Variants in RPH3A observed in about 807,000 individuals in gnomAD.
RPH3A encodes rabphilin-3A.
RPH3A carries 48 observed loss-of-function variants against 102.2 expected under a neutral mutation model. The observed-to-expected ratio is 0.47, with a 90% CI of 0.37 to 0.60. RPH3A has a LOEUF of 0.60. Ranked by LOEUF, RPH3A falls within the 20% of genes least tolerant of loss-of-function variation. The pLI, the probability that RPH3A is intolerant of heterozygous loss-of-function variation, is 0.00. For synonymous variants in RPH3A, 310 were observed against 324.3 expected (o/e 0.96, Z 0.47); for missense variants, 781 against 910.1 (o/e 0.86, Z 1.83).
At chr12:112,819,845 G>A (rs952790773) in intron 2 of RPH3A, among the ~76,000 whole-genome samples, 2 of 152,354 alleles carry the variant, frequency 1.3e-5, no homozygotes, top group East Asian at 3.9e-4. Flanking sequence ...AATGGTGATT[G>A]CAGGGTTGCT....
intron 5 of RPH3A, among the ~76,000 whole-genome samples, chr12:112,863,392 A>C (rs1371746775): frequency 6.6e-6 from 1 of 152,164 alleles, no homozygotes; most frequent in East Asian, 1.9e-4. Flanking sequence ...ATCTCAACTC[A>C]CTGCAACCTC....
Position 112,585,265 on chromosome 12 carries a change from A to T in RPH3A, c.-140+9946A>T, listed in dbSNP as rs73431605. 7.6e-3 allele frequency among the ~76,000 whole-genome samples: 1,152 copies of T among 152,238 alleles called. 9 individuals are homozygous for T. Among genetic ancestry groups the T allele is most frequent in the African/African-American group, 0.026 (1,075 of 41,542 alleles). On this transcript the variant is annotated intron_variant, in intron 1 of 21. Coordinates refer to the RPH3A transcript ENST00000543106. Reference sequence around the variant, plus strand: ...CTCCTAGTTCAGTGACACAAATGTTATATCCATTGGCAACACCCTCACAGA... The same window carrying T: ...CTCCTAGTTCAGTGACACAAATGTTTTATCCATTGGCAACACCCTCACAGA...
chr12:112,876,893 C>T (rs1296499816), intron 13 of RPH3A, 27 bp downstream of exon 13: 2 of 1,534,152 alleles, frequency 1.3e-6, no homozygotes, highest in Admixed American at 3.9e-5. Flanking sequence ...GGAGAGGTAT[C>T]TTGGAAAAAT....
Position 112,674,875 on chromosome 12 carries a change from T to C in RPH3A, c.-140+99556T>C, listed in dbSNP as rs232929. Among the ~76,000 whole-genome samples the C allele has an allele frequency of 2.0e-5, 3 of 152,074 alleles. No homozygotes were observed. The South Asian group carries it at 6.2e-4, about 32-fold the overall frequency. On this transcript the variant is annotated intron_variant, in intron 1 of 21. Coordinates refer to the RPH3A transcript ENST00000543106. Reference sequence around the variant, plus strand: ...TTGGGGGAAAAAAATCCACATTCTCTCTCAGGGGCTTTACTCCCTTGGTTT... The same window carrying C: ...TTGGGGGAAAAAAATCCACATTCTCCCTCAGGGGCTTTACTCCCTTGGTTT...
chr12:112,797,691 A>G (rs970410356), intron 2 of RPH3A, among the ~76,000 whole-genome samples: 1 of 150,840 alleles, frequency 6.6e-6, no homozygotes. Context: ...TGAATGAAAA[A>G]AAAAATTTTT....
chr12:112,841,896 C>T (rs2042153999), intron 4 of RPH3A: 1 of 455,524 alleles, frequency 2.2e-6, no homozygotes, highest in Non-Finnish European at 4.4e-6. Context: ...CTCTCCTTCT[C>T]TCTCTCTCTG....
chr12:112,823,949 G>C (rs1011231825), intron 2 of RPH3A, among the ~76,000 whole-genome samples: 2 of 152,206 alleles, frequency 1.3e-5, no homozygotes, highest in Non-Finnish European at 2.9e-5. Flanking sequence ...ACAGCTAAGT[G>C]ACCACTAGGG....
intron 1 of RPH3A, among the ~76,000 whole-genome samples, chr12:112,749,592 T>C (rs1222223659): frequency 6.6e-6 from 1 of 152,228 alleles, no homozygotes; most frequent in Non-Finnish European, 1.5e-5. Flanking sequence ...TGACACATCT[T>C]TTCCTGATAG....
At chr12:112,666,913 A>G (rs2040086795) in intron 1 of RPH3A, among the ~76,000 whole-genome samples, 1 of 152,162 alleles carries the variant, frequency 6.6e-6, no homozygotes, top group African/African-American at 2.4e-5. Context: ...GCTTTAATTC[A>G]TTCTCCATCA....
chr12:112,691,119 G>C (rs1435752609), intron 1 of RPH3A, among the ~76,000 whole-genome samples: 1 of 152,084 alleles, frequency 6.6e-6, no homozygotes, highest in East Asian at 1.9e-4. Context: ...CCGCCTCCCG[G>C]GTTCAGCCAC....
At chr12:112,828,977 T>C (rs558952238) in intron 3 of RPH3A, among the ~76,000 whole-genome samples, 1 of 152,224 alleles carries the variant, frequency 6.6e-6, no homozygotes, top group Non-Finnish European at 1.5e-5. Context: ...CTCATATATT[T>C]AGACTGGCAA....
intron 1 of RPH3A, among the ~76,000 whole-genome samples, chr12:112,711,014 A>C (rs554890026): frequency 6.6e-6 from 1 of 152,102 alleles, no homozygotes; most frequent in African/African-American, 2.4e-5. Flanking sequence ...AGTTCAGAAG[A>C]ACTCCAAGCA....
At chr12:112,829,232 G>A (rs987744718) in intron 3 of RPH3A, among the ~76,000 whole-genome samples, 5 of 152,130 alleles carry the variant, frequency 3.3e-5, no homozygotes, top group African/African-American at 1.2e-4. Context: ...ATAAATGTCA[G>A]GATGTAGTTG....
intron 1 of RPH3A, among the ~76,000 whole-genome samples, chr12:112,710,263 A>G (rs1007243912): frequency 2.8e-4 from 42 of 152,102 alleles, no homozygotes; most frequent in African/African-American, 8.9e-4. Context: ...GGCTTGAGCC[A>G]CCGCGCCCGG....
chr12:112,774,216 G>A (rs1339595153), intron 1 of RPH3A, among the ~76,000 whole-genome samples: 1 of 152,166 alleles, frequency 6.6e-6, no homozygotes, highest in Non-Finnish European at 1.5e-5. Flanking sequence ...ATCTATGTAT[G>A]TATATGTACA....
chr12:112,829,610 A>C (rs932824704), intron 3 of RPH3A, among the ~76,000 whole-genome samples: 17 of 152,268 alleles, frequency 1.1e-4, no homozygotes, highest in African/African-American at 3.8e-4. Flanking sequence ...CTTATTGGAG[A>C]GCAGTGTTTC....
chr12:112,674,405 T>G (rs1392025569), intron 1 of RPH3A, among the ~76,000 whole-genome samples: 2 of 152,160 alleles, frequency 1.3e-5, no homozygotes, highest in African/African-American at 4.8e-5. Flanking sequence ...TGTGCCACCC[T>G]CACCCCCAAG....
chr12:112,595,230 G>A (rs914010450), intron 1 of RPH3A, among the ~76,000 whole-genome samples: 1 of 152,194 alleles, frequency 6.6e-6, no homozygotes, highest in African/African-American at 2.4e-5. Flanking sequence ...ATAGTACTTA[G>A]CACCTAGTAA....
intron 5 of RPH3A, among the ~76,000 whole-genome samples, chr12:112,851,192 T>C (rs972981218): frequency 6.6e-6 from 1 of 152,222 alleles, no homozygotes; most frequent in South Asian, 2.1e-4. Flanking sequence ...CCTTGTCAAG[T>C]AAGCTATTAT....
Sources: allele counts gnomAD v4.1 joint callset (sites outside exome capture counted in the v4.1 genomes callset), GRCh38; gene constraint gnomAD v4.1.1; transcripts MANE v1.5; gene names NCBI Gene and HGNC (gene_info 2026-07-23, HGNC 2026-07-21).